The following CNTN1 variants were observed in gnomAD, a reference collection of about 807,000 sequenced individuals.
The protein encoded by CNTN1 is contactin-1.
CNTN1 carries 38 observed loss-of-function variants against 126.4 expected under a neutral mutation model. The ratio of observed to expected loss-of-function variants is 0.30; its 90% CI spans 0.23 to 0.39. The LOEUF (loss-of-function observed/expected upper bound fraction) is 0.39. Among genes scored for constraint, CNTN1 ranks in the 10% least tolerant of loss-of-function variants. The probability of loss-of-function intolerance (pLI) is 1.00; values close to 1 mark genes in which losing one functional copy is unlikely to be tolerated. For missense variants in CNTN1, 1,009 were observed against 1,248.4 expected (o/e 0.81, Z 2.89); for synonymous variants, 413 against 422.6 (o/e 0.98, Z 0.28).
rs185593873 is a variant in CNTN1, at chr12:40,796,870, A to G, written c.-77+104278A>G. ...GTTAACAATGAGGACAAAGCTTGGC[A>G]AGCCAAGGAGACAAAAGTCCTGGGA... On this transcript the variant is annotated intron_variant, in intron 1 of 23. Transcript: ENST00000551295. 2.0e-5 allele frequency among the ~76,000 whole-genome samples: 3 copies of G among 152,230 alleles called. No homozygotes were observed. The East Asian group carries it at 5.8e-4, about 30-fold the overall frequency.
Position 40,754,346 on chromosome 12 carries a change from A to ATGAC in CNTN1, c.-77+61755_-77+61758dup, listed in dbSNP as rs978209669. 5.3e-5 allele frequency among the ~76,000 whole-genome samples: 8 copies of ATGAC among 152,224 alleles called. No homozygotes were observed. The Middle Eastern group carries it at 0.01, about 194-fold the overall frequency. ...ACAATGTTCAAGTCCCTTTTATGAA[A>ATGAC]TGACATGGTATTTTCATATAACCAA... On this transcript the variant is annotated intron_variant, in intron 1 of 23. Coordinates refer to ENST00000551295, the MANE Select transcript of CNTN1 (RefSeq NM_001843.4).
Position 41,072,114 on chromosome 12 carries a change from A to G in CNTN1, c.*2079A>G, listed in dbSNP as rs1385851365. Reference sequence around the variant, plus strand: ...TAACTCAAGCTTTTCATTTTCTCATACAGTTGTACAGATTTAACTGGGACC... The same window carrying G: ...TAACTCAAGCTTTTCATTTTCTCATGCAGTTGTACAGATTTAACTGGGACC... On this transcript the variant is annotated 3_prime_UTR_variant, in exon 24 of 24. Transcript: ENST00000551295. 1 of 152,186 alleles carries G rather than the reference A, an allele frequency of 6.6e-6. No individual in the cohort carries two copies. The highest frequency in any genetic ancestry group is 1.5e-5 in the Non-Finnish European group (1 of 68,024). The allele number at this position is 152,186 out of a possible 1,614,324, so 9.4% of individuals were successfully genotyped here.
intron 17 of CNTN1, among the ~76,000 whole-genome samples, chr12:40,997,502 A>G (rs899840483): frequency 2.0e-5 from 3 of 152,222 alleles, no homozygotes; most frequent in Non-Finnish European, 2.9e-5. Flanking sequence ...AGAGAAGAAT[A>G]GAACTAAGAA....
At chr12:41,057,372 G>C (rs958664793) in intron 23 of CNTN1, among the ~76,000 whole-genome samples, 6 of 151,334 alleles carry the variant, frequency 4.0e-5, no homozygotes, top group Non-Finnish European at 8.8e-5. Context: ...AAGGAAGAAA[G>C]GTGATAAATA....
At chr12:40,809,760 G>T (rs1298457819) in intron 1 of CNTN1, among the ~76,000 whole-genome samples, 1 of 151,678 alleles carries the variant, frequency 6.6e-6, no homozygotes, top group Non-Finnish European at 1.5e-5. Flanking sequence ...AGGTTGCAGT[G>T]AGCCGAGATT....
chr12:40,930,668 T>C (rs1351421592), intron 7 of CNTN1, among the ~76,000 whole-genome samples: 1 of 151,968 alleles, frequency 6.6e-6, no homozygotes, highest in Non-Finnish European at 1.5e-5. Context: ...TTCTGCTACA[T>C]TAATATCAGC....
chr12:40,793,465 G>GA (rs5797683), intron 1 of CNTN1, among the ~76,000 whole-genome samples: 106 of 145,598 alleles, frequency 7.3e-4, no homozygotes, highest in African/African-American at 2.3e-3. Flanking sequence ...TACTTGTGGG[G>GA]AAAAAAAAAA....
At chr12:40,833,611 T>G (rs1319922423) in intron 1 of CNTN1, among the ~76,000 whole-genome samples, 1 of 152,236 alleles carries the variant, frequency 6.6e-6, no homozygotes, top group Non-Finnish European at 1.5e-5. Context: ...AACTGTTATC[T>G]TATTTTGAAT....
intron 15 of CNTN1, among the ~76,000 whole-genome samples, chr12:40,965,714 G>T (rs543595928): frequency 2.6e-4 from 40 of 152,260 alleles, no homozygotes; most frequent in African/African-American, 9.1e-4. Context: ...CATGTGAAAA[G>T]TTTGTGTAAC....
intron 1 of CNTN1, among the ~76,000 whole-genome samples, chr12:40,713,463 T>C (rs1941974468): frequency 1.3e-5 from 2 of 151,084 alleles, no homozygotes; most frequent in East Asian, 3.9e-4. Flanking sequence ...TATATATATA[T>C]ATTTAAATGC....
At chr12:41,055,521 G>A (rs892853552) in intron 23 of CNTN1, among the ~76,000 whole-genome samples, 20 of 151,956 alleles carry the variant, frequency 1.3e-4, no homozygotes, top group Admixed American at 2.6e-4. Context: ...TTACCACACC[G>A]TACTACAGTT....
At chr12:40,728,328 G>A (rs183453608) in intron 1 of CNTN1, among the ~76,000 whole-genome samples, 98 of 152,228 alleles carry the variant, frequency 6.4e-4, no homozygotes, top group African/African-American at 2.0e-3. Context: ...TATCCTAAGC[G>A]TGTGGTTTCA....
intron 23 of CNTN1, among the ~76,000 whole-genome samples, chr12:41,036,125 T>A (rs1461320935): frequency 6.6e-6 from 1 of 152,174 alleles, no homozygotes; most frequent in Admixed American, 6.5e-5. Context: ...ACTGTAGGTT[T>A]TTTTATGACT....
intron 15 of CNTN1, 51 bp downstream of exon 15, chr12:40,959,285 A>C (rs774510802): frequency 1.3e-6 from 2 of 1,587,080 alleles, no homozygotes; most frequent in Non-Finnish European, 1.7e-6. Flanking sequence ...TTTGACTTGC[A>C]TAAACATGTA....
intron 1 of CNTN1, among the ~76,000 whole-genome samples, chr12:40,784,848 A>G (rs1383603339): frequency 6.6e-6 from 1 of 152,140 alleles, no homozygotes; most frequent in Non-Finnish European, 1.5e-5. Context: ...CAGAAATATA[A>G]GGTAGCTTTC....
At chr12:40,694,750 T>G (rs928520758) in intron 1 of CNTN1, among the ~76,000 whole-genome samples, 8 of 152,202 alleles carry the variant, frequency 5.3e-5, no homozygotes, top group African/African-American at 1.9e-4. Context: ...GGCTTTTAAT[T>G]TTGCTCTGCA....
At chr12:41,018,855 C>G (rs529535248) in intron 19 of CNTN1, among the ~76,000 whole-genome samples, 15 of 152,100 alleles carry the variant, frequency 9.9e-5, no homozygotes, top group African/African-American at 3.6e-4. Context: ...TGTGCTCATT[C>G]AGCAGAAATA....
chr12:40,744,818 C>A (rs1938113137), intron 1 of CNTN1, among the ~76,000 whole-genome samples: 1 of 152,054 alleles, frequency 6.6e-6, no homozygotes, highest in South Asian at 2.1e-4. Flanking sequence ...TCTTTTGGTG[C>A]AAGAACTTCT....
chr12:40,930,051 T>C lies in CNTN1; in HGVS notation c.703+49T>C, dbSNP rs748951560. The stretch of plus-strand genomic sequence containing the variant: ...CTGTTTTCGCAAGGTTATCTACATA[T>C]GGTATACTTACCGTAATGAAAAGAA... On this transcript the variant is annotated intron_variant, in intron 7 of 23. Transcript: ENST00000551295. The C allele has an allele frequency of 6.0e-6, 8 of 1,323,640 alleles. No homozygotes were observed. In the Admixed American group the frequency reaches 1.0e-4, roughly 17 times the overall value. The allele number at this position is 1,323,640 out of a possible 1,614,324, so 82.0% of individuals were successfully genotyped here. A position where few individuals can be genotyped will look rare whatever the true frequency, so the allele number is the denominator to read the frequency against.
Sources: gnomAD v4.1 joint callset for allele counts (sites outside exome capture counted in the v4.1 genomes callset) on GRCh38, gnomAD v4.1.1 for gene constraint, MANE v1.5 for transcripts, NCBI Gene and HGNC (gene_info 2026-07-23, HGNC 2026-07-21) for gene names.